SMARCA2: variants seen among roughly 807,000 people sequenced by gnomAD.
The protein encoded by SMARCA2 is SWI/SNF related BAF chromatin remodeling complex subunit ATPase 2.
A neutral mutation model predicts 199.8 loss-of-function variants in SMARCA2; 61 were observed. That is an observed-to-expected ratio of 0.31 (90% CI 0.25 to 0.38). SMARCA2 has a LOEUF of 0.38. Among genes scored for constraint, SMARCA2 ranks in the 10% least tolerant of loss-of-function variants. The pLI is 1.00. For missense variants in SMARCA2, 1,344 were observed against 2,012.2 expected (o/e 0.67, Z 6.35); for synonymous variants, 935 against 732.0 (o/e 1.28, Z -4.48).
chr9:2,132,955 C>T (rs1824028054), intron 27 of SMARCA2, among the ~76,000 whole-genome samples: 1 of 152,078 alleles, frequency 6.6e-6, no homozygotes, highest in Non-Finnish European at 1.5e-5. Flanking sequence ...GAATAGTCCT[C>T]AGAGGTCTGA....
intron 16 of SMARCA2, among the ~76,000 whole-genome samples, chr9:2,083,651 G>C (rs1020665493): frequency 3.9e-5 from 6 of 152,198 alleles, no homozygotes; most frequent in Non-Finnish European, 4.4e-5. Context: ...TTTCTGATGA[G>C]AGTAATACAA....
Position 2,096,720 on chromosome 9 carries a change from G to A in SMARCA2, c.2947G>A (p.Ala983Thr), listed in dbSNP as rs757796739. ...LQKILYRHMQ[A>T]KGILLTDGSE... The stretch of plus-strand genomic sequence containing the variant: ...GAAGATTCTGTATCGCCATATGCAA[G>A]CCAAGGGGATCCTTCTCACAGATGG... Residue 983 changes from alanine (A) to threonine (T), a missense_variant, in exon 20 of 34, where the codon GCC (alanine) becomes ACC (threonine). Transcript: ENST00000349721. 1 of 1,613,872 alleles carries A rather than the reference G, an allele frequency of 6.2e-7. No individual in the cohort carries two copies. The highest frequency in any genetic ancestry group is 1.7e-5 in the Admixed American group (1 of 60,018).
chr9:2,110,814 C>T lies in SMARCA2; in HGVS notation c.3456+397C>T, dbSNP rs2130580684. Among the ~76,000 whole-genome samples the T allele has an allele frequency of 6.6e-6, 1 of 152,302 alleles. No homozygotes were observed. Among genetic ancestry groups the T allele is most frequent in the East Asian group, 1.9e-4 (1 of 5,190 alleles). On this transcript the variant is annotated intron_variant, in intron 24 of 33. Transcript: ENST00000349721. The surrounding 1 kb of genome is among the most constrained non-coding windows in gnomAD (Gnocchi z 4.8). ...GGCATTTTTTCATTCAGTTTTACGACAACCCTGTCAGACGGTTAATATGAT... is the reference window on the plus strand; with the variant it reads ...GGCATTTTTTCATTCAGTTTTACGATAACCCTGTCAGACGGTTAATATGAT...
chr9:2,148,289 G>A (rs1824871168), intron 27 of SMARCA2, among the ~76,000 whole-genome samples: 1 of 151,572 alleles, frequency 6.6e-6, no homozygotes, highest in Non-Finnish European at 1.5e-5. Context: ...GCTGATCATT[G>A]GTATTTGAGC....
chr9:2,184,165 A>G (rs1426178239), intron 31 of SMARCA2, among the ~76,000 whole-genome samples: 2 of 151,838 alleles, frequency 1.3e-5, no homozygotes, highest in Non-Finnish European at 2.9e-5. Flanking sequence ...TTCATCTGCT[A>G]CTCCTCAACC....
intron 9 of SMARCA2, among the ~76,000 whole-genome samples, chr9:2,065,837 C>G (rs922760729): frequency 6.6e-6 from 1 of 151,992 alleles, no homozygotes; most frequent in African/African-American, 2.4e-5. Flanking sequence ...TAAGGATAGG[C>G]GAACACAATG....
intron 9 of SMARCA2, among the ~76,000 whole-genome samples, chr9:2,069,401 A>T (rs1222354708): frequency 6.6e-6 from 1 of 151,666 alleles, no homozygotes; most frequent in Non-Finnish European, 1.5e-5. Context: ...CTAAAAAAAT[A>T]CAAAAAAATT....
rs545253536 is a variant in SMARCA2 at position 2,141,492 on chromosome 9, A to C, written c.3981+17555A>C. ...GGCACAAGGTAATGGCACCAATGGC[A>C]TCCTATAAATTTTATTTAATAGCCT... On this transcript the variant is annotated intron_variant, in intron 27 of 33. Coordinates refer to ENST00000349721, the MANE Select transcript of SMARCA2 (RefSeq NM_003070.5). 2.6e-5 allele frequency among the ~76,000 whole-genome samples: 4 copies of C among 152,252 alleles called. 1 individual carries two copies. The East Asian group carries it at 5.8e-4, about 22-fold the overall frequency.
intron 5 of SMARCA2, among the ~76,000 whole-genome samples, chr9:2,051,781 G>A (rs1240347395): frequency 6.6e-6 from 1 of 152,264 alleles, no homozygotes; most frequent in South Asian, 2.1e-4. Context: ...TTTTCCTTTG[G>A]TATGGCCTTA....
At chr9:2,139,179 G>A (rs1182609459) in intron 27 of SMARCA2, among the ~76,000 whole-genome samples, 1 of 152,200 alleles carries the variant, frequency 6.6e-6, no homozygotes, top group Non-Finnish European at 1.5e-5. Flanking sequence ...GCTGCACAAA[G>A]CCAGGCCACT....
At chr9:2,187,301 T>A (rs1387783315) in intron 32 of SMARCA2, among the ~76,000 whole-genome samples, 1 of 152,130 alleles carries the variant, frequency 6.6e-6, no homozygotes, top group Non-Finnish European at 1.5e-5. Flanking sequence ...GGTGCGTGCC[T>A]CCATTGTTTG....
At position 2,172,887 on chromosome 9, in the gene SMARCA2, C is replaced by G. The variant is rs570448017; in HGVS notation, c.4253+2415C>G. ...ATGGGGATACAGTGAGATTTGTGTT[C>G]GGAAATGTCACTGATAGTCTGTGAA... is the stretch of plus-strand genomic sequence containing the variant. On this transcript the variant is annotated intron_variant, in intron 29 of 33. Coordinates refer to ENST00000349721, the MANE Select transcript of SMARCA2 (RefSeq NM_003070.5). Among the ~76,000 whole-genome samples, 5 of 152,032 alleles carry G rather than the reference C, an allele frequency of 3.3e-5. No individual in the cohort carries two copies. The South Asian group carries it at 8.3e-4, about 25-fold the overall frequency.
chr9:2,087,536 G>T (rs1821853149), intron 18 of SMARCA2, among the ~76,000 whole-genome samples: 1 of 151,972 alleles, frequency 6.6e-6, no homozygotes, highest in South Asian at 2.1e-4. Flanking sequence ...CACATTTTCT[G>T]CAGACCTTTT....
In SMARCA2 at chr9:2,054,733, T is replaced by A. The variant is rs747432691; in HGVS notation, c.1173+10T>A. ...CAATTTCCAGCGTCAGGTAATACAT[T>A]TTCCCCAGTGAATCTGAGATGTAGG... On this transcript the variant is annotated intron_variant, in intron 6 of 33. Transcript: ENST00000349721. 6.2e-6 allele frequency: 10 copies of A among 1,613,788 alleles called. No individual in the cohort carries two copies. The Admixed American group carries it at 1.7e-4, about 27-fold the overall frequency.
intron 32 of SMARCA2, among the ~76,000 whole-genome samples, chr9:2,188,204 T>C (rs1168796386): frequency 2.0e-5 from 3 of 152,134 alleles, no homozygotes; most frequent in African/African-American, 7.2e-5. Flanking sequence ...TAATACATAT[T>C]AACATTCATT....
At chr9:2,046,642 G>C (rs1045733192) in intron 4 of SMARCA2, among the ~76,000 whole-genome samples, 5 of 151,056 alleles carry the variant, frequency 3.3e-5, no homozygotes, top group African/African-American at 1.2e-4. Context: ...CATGGGTTCT[G>C]ACAGCAGGGC....
chr9:2,029,563 A>AT (rs1364166827), intron 2 of SMARCA2, among the ~76,000 whole-genome samples: 5 of 152,104 alleles, frequency 3.3e-5, no homozygotes, highest in African/African-American at 9.7e-5. Context: ...TATAAGTCTT[A>AT]TTTTTTCCTA....
At chr9:2,066,726 T>G (rs1820851322) in intron 9 of SMARCA2, among the ~76,000 whole-genome samples, 1 of 152,222 alleles carries the variant, frequency 6.6e-6, no homozygotes, top group Non-Finnish European at 1.5e-5. Context: ...CATCAGCCCT[T>G]AATATTGATA....
intron 4 of SMARCA2, chr9:2,040,620 G>A (rs1819563751): frequency 6.6e-6 from 1 of 152,188 alleles, no homozygotes; most frequent in Admixed American, 6.5e-5. Context: ...GATTTCCCAG[G>A]TGAGATTATT....
Sources: allele counts gnomAD v4.1 joint callset (sites outside exome capture counted in the v4.1 genomes callset), GRCh38; gene constraint gnomAD v4.1.1; non-coding constraint Gnocchi (gnomAD v3.1); transcripts MANE v1.5; gene names NCBI Gene and HGNC (gene_info 2026-07-23, HGNC 2026-07-21).